TSPO: variants seen among roughly 807,000 people sequenced by gnomAD.
TSPO encodes the protein translocator protein.
TSPO carries 14 observed loss-of-function variants against 13.9 expected under a neutral mutation model. That is an observed-to-expected ratio of 1.01 (90% CI 0.67 to 1.58). The LOEUF (loss-of-function observed/expected upper bound fraction) is 1.58. Ranked by LOEUF, TSPO falls within the 40% of genes most tolerant of loss-of-function variation. TSPO has a pLI of 0.00. For synonymous variants in TSPO, 114 were observed against 105.9 expected (o/e 1.08, Z -0.47); for missense variants, 232 against 229.6 (o/e 1.01, Z -0.07).
In TSPO at chr22:43,163,066, T is replaced by G. The variant is rs1931507213; in HGVS notation, c.*75T>G. The G allele has an allele frequency of 1.3e-6, 2 of 1,553,268 alleles. No individual in the cohort carries two copies. The highest frequency in any genetic ancestry group is 1.4e-5 in the African/African-American group (1 of 73,568). The stretch of plus-strand genomic sequence containing the variant: ...TTGTGATGTGGTGGCCGTCACGCTT[T>G]CATGACCACTGGGCCTGCTAGTCTG... On this transcript the variant is annotated 3_prime_UTR_variant, in exon 4 of 4. Transcript: ENST00000337554.
At chr22:43,153,336 C>CTTTTTT (rs1052119233) in intron 1 of TSPO, among the ~76,000 whole-genome samples, 1 of 50,746 alleles carries the variant, frequency 2.0e-5, no homozygotes, top group Non-Finnish European at 3.5e-5. Flanking sequence ...TTTGTGTTTT[C>CTTTTTT]TTTTTTTTTT....
chr22:43,162,442 G>A (rs1931472106), intron 3 of TSPO, among the ~76,000 whole-genome samples: 1 of 152,252 alleles, frequency 6.6e-6, no homozygotes, highest in South Asian at 2.1e-4. Context: ...TTTTGTTTGG[G>A]CCTTGTAGTA....
At chr22:43,156,700 G>A (rs927256365) in intron 1 of TSPO, among the ~76,000 whole-genome samples, 23 of 152,338 alleles carry the variant, frequency 1.5e-4, no homozygotes, top group African/African-American at 4.1e-4. Context: ...GGCTGGGCAC[G>A]GTGGCTCACG....
intron 3 of TSPO, among the ~76,000 whole-genome samples, chr22:43,161,566 C>T (rs1472383995): frequency 1.3e-5 from 2 of 152,036 alleles, no homozygotes; most frequent in African/African-American, 4.8e-5. Context: ...CGGCCCACTG[C>T]AACCTCCACC....
Position 43,162,962 on chromosome 22 carries a change from TGGCGTGGGGGAC to T in TSPO, c.486_497del (p.Gly163_Arg166del). ...CTGCGTATGGCGGGACAACCATGGC[TGGCGTGGGGGAC>T]GGCGGCTGCCAGAGTGAGTGCCCGG... On this transcript the variant is annotated inframe_deletion, in exon 4 of 4. Transcript: ENST00000337554. 6.3e-7 allele frequency: 1 copy of T among 1,593,956 alleles called. No individual in the cohort carries two copies. The highest frequency in any genetic ancestry group is 1.3e-5 in the African/African-American group (1 of 74,710).
At chr22:43,162,688 G>C in intron 3 of TSPO, 115 bp from the exon 4 acceptor site, 1 of 1,051,036 alleles carries the variant, frequency 9.5e-7, no homozygotes, top group Non-Finnish European at 1.4e-6. Context: ...AGGGTGGAGT[G>C]GGGGTGAGTG....
chr22:43,158,901 A>AC (rs1462412416), intron 1 of TSPO, among the ~76,000 whole-genome samples: 1 of 151,718 alleles, frequency 6.6e-6, no homozygotes, highest in Non-Finnish European at 1.5e-5. Flanking sequence ...CGGGGACTTG[A>AC]CCCAGGGAGG....
At chr22:43,153,944 A>G (rs1931171551) in intron 1 of TSPO, among the ~76,000 whole-genome samples, 3 of 152,018 alleles carry the variant, frequency 2.0e-5, no homozygotes, top group Admixed American at 2.0e-4. Context: ...GGGTTTCACC[A>G]TGTCGGCCAG....
At chr22:43,154,672 T>C (rs1931196033) in intron 1 of TSPO, among the ~76,000 whole-genome samples, 1 of 151,968 alleles carries the variant, frequency 6.6e-6, no homozygotes, top group Non-Finnish European at 1.5e-5. Context: ...GGGTCACCTA[T>C]AGGGAGGTCT....
At chr22:43,153,949 G>A (rs989296349) in intron 1 of TSPO, among the ~76,000 whole-genome samples, 7 of 151,840 alleles carry the variant, frequency 4.6e-5, no homozygotes, top group African/African-American at 1.2e-4. Flanking sequence ...TCACCATGTC[G>A]GCCAGGCTGT....
intron 1 of TSPO, among the ~76,000 whole-genome samples, chr22:43,156,386 T>A (rs1931250179): frequency 6.6e-6 from 1 of 151,624 alleles, no homozygotes; most frequent in Admixed American, 6.6e-5. Flanking sequence ...TCGTGGGGAG[T>A]TCTGCCACGT....
chr22:43,157,828 C>G (rs960611276), intron 1 of TSPO, among the ~76,000 whole-genome samples: 1 of 152,180 alleles, frequency 6.6e-6, no homozygotes, highest in Non-Finnish European at 1.5e-5. Flanking sequence ...CAGAGCAAGA[C>G]TCTGTCTCAA....
At position 43,159,196 on chromosome 22, in the gene TSPO, G is replaced by A; in HGVS notation, c.-29-14G>A. 6.7e-7 allele frequency: 1 copy of A among 1,484,210 alleles called. No individual in the cohort carries two copies. The highest frequency in any genetic ancestry group is 1.3e-5 in the South Asian group (1 of 75,478). The allele number at this position is 1,484,210 out of a possible 1,614,324, so 91.9% of individuals were successfully genotyped here. Reference sequence around the variant, plus strand: ...CTCAGGAATGCCCTCACCCAGCCCTGTCTTCTCTTTCAGAGCTCCCCTGAA... The same window carrying A: ...CTCAGGAATGCCCTCACCCAGCCCTATCTTCTCTTTCAGAGCTCCCCTGAA... On this transcript the variant is annotated splice_polypyrimidine_tract_variant and intron_variant, in intron 1 of 3. Coordinates refer to ENST00000337554, the MANE Select transcript of TSPO (RefSeq NM_000714.6).
At chr22:43,153,045 C>T (rs995091967) in intron 1 of TSPO, among the ~76,000 whole-genome samples, 1 of 151,434 alleles carries the variant, frequency 6.6e-6, no homozygotes, top group Non-Finnish European at 1.5e-5. Flanking sequence ...CTCCCCTTCC[C>T]ACCCCTTCTT....
In TSPO at chr22:43,154,085, G is replaced by A. The variant is rs201784780; in HGVS notation, c.-30+2481G>A. On this transcript the variant is annotated intron_variant, in intron 1 of 3. Transcript: ENST00000337554. ...CACCCTACCCTCTCCCAGGCCACTC[G>A]ATGGCCAGGTTCGCTGTGGATTTTT... Among the ~76,000 whole-genome samples, 54 of 152,296 alleles carry A rather than the reference G, an allele frequency of 3.5e-4. No individual in the cohort carries two copies. The East Asian group carries it at 3.7e-3, about 10-fold the overall frequency.
At chr22:43,162,757 C>T (rs1406536657) in intron 3 of TSPO, 46 bp from the exon 4 acceptor site, 7 of 1,488,034 alleles carry the variant, frequency 4.7e-6, no homozygotes, top group African/African-American at 4.2e-5. Context: ...CTTGGGTGAA[C>T]GCGGTGCCTC....
intron 1 of TSPO, among the ~76,000 whole-genome samples, chr22:43,158,542 G>C (rs1931327677): frequency 6.6e-6 from 1 of 152,168 alleles, no homozygotes; most frequent in South Asian, 2.1e-4. Context: ...CCAGAGTGCA[G>C]TGTGGCCCCA....
chr22:43,161,205 A>G lies in TSPO; in HGVS notation c.321+15A>G, dbSNP rs751563551. The G allele has an allele frequency of 6.2e-7, 1 of 1,607,978 alleles. No individual in the cohort carries two copies. Among genetic ancestry groups the G allele is most frequent in the Non-Finnish European group, 8.5e-7 (1 of 1,176,076 alleles). On this transcript the variant is annotated intron_variant, in intron 3 of 3. Coordinates refer to ENST00000337554, the MANE Select transcript of TSPO (RefSeq NM_000714.6). Reference sequence around the variant, plus strand: ...AAATGGGCTGGGTAAGTGTGGCCACAGCATGTGTCCCTGATCCCTGGATCC... The same window carrying G: ...AAATGGGCTGGGTAAGTGTGGCCACGGCATGTGTCCCTGATCCCTGGATCC...
At chr22:43,155,095 C>T (rs562543385) in intron 1 of TSPO, among the ~76,000 whole-genome samples, 1 of 148,794 alleles carries the variant, frequency 6.7e-6, no homozygotes, top group African/African-American at 2.5e-5. Context: ...CAGAGCAGCC[C>T]GGCAGACACC....
Sources: allele counts gnomAD v4.1 joint callset (sites outside exome capture counted in the v4.1 genomes callset), GRCh38; gene constraint gnomAD v4.1.1; transcripts MANE v1.5; gene names NCBI Gene and HGNC (gene_info 2026-07-23, HGNC 2026-07-21).